Variants in CECR2 observed in about 807,000 individuals in gnomAD.
CECR2 encodes the protein CECR2 histone acetyl-lysine reader.
In CECR2, 30 loss-of-function variants were observed where a neutral mutation model predicts 154.5. The observed-to-expected ratio is 0.19, with a 90% CI of 0.15 to 0.26. The LOEUF is 0.26. CECR2 is among the 10% of genes least tolerant of loss of function. The pLI is 1.00. For missense variants in CECR2, 1,743 were observed against 1,829.3 expected, an observed-to-expected ratio of 0.95 and a Z score of 0.86; for synonymous variants, 725 against 683.7, an observed-to-expected ratio of 1.06 and a Z score of -0.94.
intron 1 of CECR2, among the ~76,000 whole-genome samples, chr22:17,471,526 G>GTTGT (rs145983028): frequency 9.9e-5 from 15 of 151,974 alleles, no homozygotes; most frequent in Admixed American, 1.3e-4. Flanking sequence ...TATTGTTGTT[G>GTTGT]TTGTTTGTTT....
chr22:17,450,939 A>G (rs1177454513), intron 1 of CECR2, among the ~76,000 whole-genome samples: 2 of 152,100 alleles, frequency 1.3e-5, no homozygotes, highest in African/African-American at 4.8e-5. Context: ...ACAGTTCTCT[A>G]CTCACTGGTC....
At chr22:17,435,420 G>A (rs375255796) in intron 1 of CECR2, among the ~76,000 whole-genome samples, 1 of 152,028 alleles carries the variant, frequency 6.6e-6, no homozygotes, top group South Asian at 2.1e-4. Flanking sequence ...GGTAGAATTT[G>A]GAGACCGGGT....
chr22:17,507,301 G>A (rs983773217), intron 7 of CECR2, among the ~76,000 whole-genome samples: 8 of 152,204 alleles, frequency 5.3e-5, no homozygotes, highest in South Asian at 2.1e-4. Context: ...GAAAACCTCC[G>A]TTTCACCATC....
rs1162287478 is a variant in CECR2 at position 17,555,406 on chromosome 22, A to G, written c.*2566A>G. On this transcript the variant is annotated 3_prime_UTR_variant, in exon 19 of 19. Coordinates refer to ENST00000262608, the MANE Select transcript of CECR2 (RefSeq NM_001290047.2). ...CTGTGTGGGAATGTGTCCATGCCTT[A>G]TAGGTACTAGTGCTTCGTCCATTGT... 6.6e-6 allele frequency: 1 copy of G among 152,280 alleles called. No individual in the cohort carries two copies. The highest frequency in any genetic ancestry group is 1.5e-5 in the Non-Finnish European group (1 of 68,116). The allele number at this position is 152,280 out of a possible 1,614,324, so 9.4% of individuals were successfully genotyped here. A position where few individuals can be genotyped will look rare whatever the true frequency, so the allele number is the denominator to read the frequency against.
intron 1 of CECR2, among the ~76,000 whole-genome samples, chr22:17,396,403 G>A (rs2053812193): frequency 6.6e-6 from 1 of 152,136 alleles, no homozygotes; most frequent in Non-Finnish European, 1.5e-5. Flanking sequence ...AAAATTAGCT[G>A]GGTGTGGTGG....
At chr22:17,363,440 C>A (rs1373160201) in intron 1 of CECR2, among the ~76,000 whole-genome samples, 2 of 152,160 alleles carry the variant, frequency 1.3e-5, no homozygotes, top group Non-Finnish European at 2.9e-5. Flanking sequence ...GAACTCCTGA[C>A]CTTATGATCC....
At chr22:17,366,086 G>T (rs531823847), upstream of CECR2, among the ~76,000 whole-genome samples, 49 of 152,302 alleles carry the variant, frequency 3.2e-4, no homozygotes, top group Non-Finnish European at 5.6e-4. Flanking sequence ...GAATATGAAA[G>T]AATTACTTCT....
chr22:17,394,380 AT>A (rs1043648269), intron 1 of CECR2, among the ~76,000 whole-genome samples: 2 of 147,560 alleles, frequency 1.4e-5, no homozygotes, highest in African/African-American at 2.5e-5. Flanking sequence ...GTTTTTTTCT[AT>A]TTTTTTTTGT....
In CECR2 at chr22:17,548,288, G is replaced by A. The variant is rs766566344; in HGVS notation, c.3001G>A (p.Val1001Met). ...GAGCTCACCACAAGAAAGGGAAACA[G>A]TGGGCCCGGAGCTCAAAAGCAGCTC... ...RQSSPQERET[V>M]GPELKSSSSE... The change falls in exon 17 of 19, where the codon GTG (valine) becomes ATG (methionine). Residue 1001 changes from valine to methionine, a missense_variant. Physicochemically the swap from Val to Met is conservative, Grantham distance 21. This residue lies in a region of CECR2 where 1,250 missense variants were observed against 1,192.1 expected (regional missense o/e 1.05). Transcript: ENST00000262608. 1 of 1,608,652 alleles carries A rather than the reference G, an allele frequency of 6.2e-7. No homozygotes were observed. The highest frequency in any genetic ancestry group is 8.5e-7 in the Non-Finnish European group (1 of 1,177,410).
intron 1 of CECR2, among the ~76,000 whole-genome samples, chr22:17,404,159 C>T (rs994441910): frequency 1.3e-4 from 20 of 149,872 alleles, no homozygotes; most frequent in Non-Finnish European, 2.7e-4. Flanking sequence ...CTTGGGAGGC[C>T]GAGGCAGAAG....
intron 1 of CECR2, among the ~76,000 whole-genome samples, chr22:17,406,544 CA>C (rs1313196068): frequency 3.3e-5 from 5 of 151,666 alleles, no homozygotes; most frequent in East Asian, 3.9e-4. Flanking sequence ...CCCCTCCCTC[CA>C]AAAAAAAGAA....
intron 7 of CECR2, among the ~76,000 whole-genome samples, chr22:17,510,007 G>A (rs750315450): frequency 9.2e-5 from 14 of 152,220 alleles, no homozygotes; most frequent in Middle Eastern, 3.4e-3. Context: ...AATAAAAGGC[G>A]ATGTAGATAC....
At chr22:17,381,840 T>C (rs191113774) in intron 1 of CECR2, among the ~76,000 whole-genome samples, 80 of 152,106 alleles carry the variant, frequency 5.3e-4, no homozygotes, top group Non-Finnish European at 4.0e-4. Context: ...CTGGGGGTCA[T>C]GCTGAGTAAG....
At chr22:17,423,125 T>C (rs1311799465) in intron 1 of CECR2, among the ~76,000 whole-genome samples, 1 of 152,160 alleles carries the variant, frequency 6.6e-6, no homozygotes, top group Non-Finnish European at 1.5e-5. Flanking sequence ...AGTAGGCCTT[T>C]AGCAATGTGG....
chr22:17,538,577 T>C lies in CECR2; in HGVS notation c.1276+20T>C. 1 of 1,613,696 alleles carries C rather than the reference T, an allele frequency of 6.2e-7. No homozygotes were observed. The highest frequency in any genetic ancestry group is 8.5e-7 in the Non-Finnish European group (1 of 1,179,584). On this transcript the variant is annotated intron_variant, in intron 11 of 18. Transcript: ENST00000262608. ...ATAAAGGTTAGTTCCCATTCTCCAC[T>C]GTTCTGTTTGTGATAGAAGTTTTCC...
rs147648112 is a variant in CECR2, at chr22:17,482,872, G to A, written c.221+5190G>A. Among the ~76,000 whole-genome samples the A allele has an allele frequency of 5.0e-3, 764 of 151,658 alleles. 20 individuals carry two copies. The East Asian group carries it at 0.088, about 17-fold the overall frequency. On this transcript the variant is annotated intron_variant, in intron 2 of 18. Transcript: ENST00000262608. ...CTTTTTTTGTATTTTTAGTAGAGAC[G>A]GAGTTTCACCGCATTAGCCAGGATG...
chr22:17,421,236 C>T (rs567428787), intron 1 of CECR2, among the ~76,000 whole-genome samples: 6 of 152,132 alleles, frequency 3.9e-5, no homozygotes, highest in East Asian at 1.9e-4. Context: ...GATCCCAGCA[C>T]GTTGGGAGGC....
chr22:17,494,860 A>G (rs2055594744), intron 2 of CECR2, among the ~76,000 whole-genome samples: 2 of 152,020 alleles, frequency 1.3e-5, no homozygotes, highest in African/African-American at 4.8e-5. Context: ...ACGCCCGGCT[A>G]ATTTTTGTAT....
At chr22:17,460,694 G>GC (rs2054924305) in intron 1 of CECR2, among the ~76,000 whole-genome samples, 1 of 152,034 alleles carries the variant, frequency 6.6e-6, no homozygotes, top group African/African-American at 2.4e-5. Context: ...TCTGCCTCTA[G>GC]CCAGTGCCTG....
Sources: allele counts gnomAD v4.1 joint callset (sites outside exome capture counted in the v4.1 genomes callset), GRCh38; gene constraint gnomAD v4.1.1; regional missense constraint gnomAD v4.1.1; transcripts MANE v1.5; gene names NCBI Gene and HGNC (gene_info 2026-07-23, HGNC 2026-07-21).